Variants in OPCML observed in about 807,000 individuals in gnomAD.
OPCML encodes the protein opioid binding protein/cell adhesion molecule like.
OPCML carries 13 observed loss-of-function variants against 37.8 expected under a neutral mutation model. The observed-to-expected ratio is 0.34, with a 90% CI of 0.22 to 0.55. The LOEUF (loss-of-function observed/expected upper bound fraction) is 0.55. Among genes scored for constraint, OPCML ranks in the 20% least tolerant of loss-of-function variants. The pLI is 0.91. For missense variants in OPCML, 341 were observed against 435.6 expected (o/e 0.78, Z 1.93); for synonymous variants, 176 against 168.8 (o/e 1.04, Z -0.33).
chr11:132,811,753 G>A (rs1028385820), intron 2 of OPCML, among the ~76,000 whole-genome samples: 2 of 152,040 alleles, frequency 1.3e-5, no homozygotes, highest in Non-Finnish European at 1.5e-5. Flanking sequence ...AGACTGGAAA[G>A]GTCACTGCTC....
intron 1 of OPCML, among the ~76,000 whole-genome samples, chr11:132,976,741 T>C (rs1234118158): frequency 6.6e-6 from 1 of 152,206 alleles, no homozygotes; most frequent in Non-Finnish European, 1.5e-5. Context: ...ACATAAGCCC[T>C]AGTTCAGCTA....
chr11:132,901,593 C>A (rs1944064071), intron 2 of OPCML, among the ~76,000 whole-genome samples: 1 of 152,094 alleles, frequency 6.6e-6, no homozygotes, highest in African/African-American at 2.4e-5. Flanking sequence ...ATAAGGGCAA[C>A]AAATTTGGGG....
At chr11:133,267,362 T>C (rs1298806242) in intron 1 of OPCML, among the ~76,000 whole-genome samples, 1 of 152,170 alleles carries the variant, frequency 6.6e-6, no homozygotes, top group Non-Finnish European at 1.5e-5. Context: ...ATTCTAGCCA[T>C]GTGCTCCTGA....
At chr11:133,449,488 A>C (rs1335573341) in intron 1 of OPCML, among the ~76,000 whole-genome samples, 2 of 152,218 alleles carry the variant, frequency 1.3e-5, no homozygotes, top group Non-Finnish European at 2.9e-5. Context: ...CAATCACCAC[A>C]GATTAGGAGG....
chr11:132,663,225 C>T (rs1942061832), intron 2 of OPCML, among the ~76,000 whole-genome samples: 1 of 152,158 alleles, frequency 6.6e-6, no homozygotes, highest in East Asian at 1.9e-4. Context: ...ACCAGCACCT[C>T]CCAGCCTCTA....
intron 1 of OPCML, chr11:133,025,036 C>T: frequency 1.0e-6 from 1 of 971,876 alleles, no homozygotes; most frequent in Non-Finnish European, 1.2e-6. Flanking sequence ...TTAAGAAACA[C>T]TTCTAGGCTG....
intron 4 of OPCML, among the ~76,000 whole-genome samples, chr11:132,520,690 G>GTGTGTGTC (rs2096291039): frequency 6.8e-6 from 1 of 147,496 alleles, no homozygotes; most frequent in South Asian, 2.1e-4. Flanking sequence ...GTGTGTGTGT[G>GTGTGTGTC]TGTGTGTGTG....
intron 1 of OPCML, among the ~76,000 whole-genome samples, chr11:133,477,068 C>G (rs1947256080): frequency 6.6e-6 from 1 of 152,122 alleles, no homozygotes; most frequent in Non-Finnish European, 1.5e-5. Flanking sequence ...AGGTTTGCCA[C>G]AGGAAGGTCA....
chr11:132,874,433 C>T (rs1248658872), intron 2 of OPCML, among the ~76,000 whole-genome samples: 3 of 120,294 alleles, frequency 2.5e-5, no homozygotes, highest in Admixed American at 1.0e-4. Context: ...TTCCTTCCTT[C>T]TTCCTTCCTT....
At chr11:133,441,332 A>G (rs1234760165) in intron 1 of OPCML, among the ~76,000 whole-genome samples, 3 of 152,158 alleles carry the variant, frequency 2.0e-5, no homozygotes, top group Non-Finnish European at 4.4e-5. Flanking sequence ...TAATAAAAAC[A>G]ATTGGACTAT....
At chr11:133,114,328 A>G (rs140700841) in intron 1 of OPCML, among the ~76,000 whole-genome samples, 1 of 152,224 alleles carries the variant, frequency 6.6e-6, no homozygotes, top group Non-Finnish European at 1.5e-5. Context: ...GTTCTGGCCA[A>G]ACTTTTGGGG....
chr11:132,659,820 T>C (rs1209996784), intron 2 of OPCML, among the ~76,000 whole-genome samples: 1 of 152,174 alleles, frequency 6.6e-6, no homozygotes, highest in Non-Finnish European at 1.5e-5. Context: ...TTTCTAAAAG[T>C]CATAACACGT....
chr11:132,947,585 C>T (rs757756724), intron 1 of OPCML, among the ~76,000 whole-genome samples: 23 of 152,184 alleles, frequency 1.5e-4, no homozygotes, highest in Non-Finnish European at 2.5e-4. Flanking sequence ...CTGTAGGACA[C>T]TGCTGTGGAC....
At position 132,828,052 on chromosome 11, in the gene OPCML, A is replaced by AAG. The variant is rs766680804; in HGVS notation, c.146+114873_146+114874insCT. Among the ~76,000 whole-genome samples the AAG allele has an allele frequency of 1.2e-3, 179 of 152,204 alleles. 1 individual carries two copies. The highest frequency in any genetic ancestry group is 1.6e-3 in the Non-Finnish European group (110 of 68,032). ...TGGTACATCCAGGCAATGGAATATT[A>AAG]TTCAGTGCTAACAAGAGATGAGTTA... On this transcript the variant is annotated intron_variant, in intron 2 of 7. Transcript: ENST00000524381.
chr11:132,808,831 T>C (rs779827083), intron 2 of OPCML, among the ~76,000 whole-genome samples: 6 of 152,134 alleles, frequency 3.9e-5, no homozygotes, highest in Non-Finnish European at 7.3e-5. Flanking sequence ...CAAACCTGCA[T>C]GGAGAAGGTC....
In OPCML at chr11:133,482,164, A is replaced by G. The variant is rs369794501; in HGVS notation, c.61+50100T>C. Among the ~76,000 whole-genome samples, 4 of 152,216 alleles carry G rather than the reference A, an allele frequency of 2.6e-5. No homozygotes were observed. The East Asian group carries it at 5.8e-4, about 22-fold the overall frequency. On this transcript the variant is annotated intron_variant, in intron 1 of 7. Transcript: ENST00000524381. ...AGGGAACCCTGAAGCTGGGTTTTCA[A>G]CTCCACACAACTCATCAATATAGAT...
chr11:132,671,200 T>C (rs1942463091), intron 2 of OPCML, among the ~76,000 whole-genome samples: 1 of 152,152 alleles, frequency 6.6e-6, no homozygotes, highest in African/African-American at 2.4e-5. Context: ...ACAGCATTGC[T>C]CCTGTAGAAT....
Position 132,581,402 on chromosome 11 carries a change from G to A in OPCML, c.380-52216C>T, listed in dbSNP as rs375978272. On this transcript the variant is annotated intron_variant, in intron 3 of 7. Transcript: ENST00000524381. ...AGGTTCTATAGGTGTCAGGCTAACT[G>A]CTCTCCTATGTTTTGGTTTATTTGT... Among the ~76,000 whole-genome samples, 11 of 152,156 alleles carry A rather than the reference G, an allele frequency of 7.2e-5. No homozygotes were observed. In the East Asian group the frequency reaches 7.7e-4, roughly 11 times the overall value.
At chr11:132,801,200 T>C (rs1466170897) in intron 2 of OPCML, among the ~76,000 whole-genome samples, 2 of 152,220 alleles carry the variant, frequency 1.3e-5, no homozygotes, top group African/African-American at 2.4e-5. Context: ...TATAGTTTCT[T>C]ATAATCCTGT....
Sources: gnomAD v4.1 joint callset for allele counts (sites outside exome capture counted in the v4.1 genomes callset) on GRCh38, gnomAD v4.1.1 for gene constraint, MANE v1.5 for transcripts, NCBI Gene and HGNC (gene_info 2026-07-23, HGNC 2026-07-21) for gene names.